CNOT6: variants seen among roughly 807,000 people sequenced by gnomAD.
CNOT6 encodes the protein carbon catabolite repression 4 protein.
Under a neutral mutation model 61.2 loss-of-function variants are expected in CNOT6, and 12 were observed. The ratio of observed to expected loss-of-function variants is 0.20; its 90% CI spans 0.13 to 0.32. The LOEUF (loss-of-function observed/expected upper bound fraction) is 0.32, where lower values mean the gene tolerates loss of function less well. Among genes scored for constraint, CNOT6 ranks in the 10% least tolerant of loss-of-function variants. The probability of loss-of-function intolerance (pLI) is 1.00; values close to 1 mark genes in which losing one functional copy is unlikely to be tolerated. For missense variants in CNOT6, 405 were observed against 663.9 expected, an observed-to-expected ratio of 0.61 and a Z score of 4.28; for synonymous variants, 225 against 240.6, an observed-to-expected ratio of 0.94 and a Z score of 0.60.
In CNOT6 at chr5:180,494,657, CTGCA is replaced by C. The variant is rs1756504649; in HGVS notation, c.-108_-105del. On this transcript the variant is annotated 5_prime_UTR_variant, in exon 1 of 12. Transcript: ENST00000261951. ...CAGAGGAGCGGCGGCGGTGGCGGCG[CTGCA>C]GCAGCGGGCGGGACTGGTATGGTGG... The C allele has an allele frequency of 6.4e-6, 1 of 157,364 alleles. No homozygotes were observed. Among genetic ancestry groups the C allele is most frequent in the Non-Finnish European group, 1.4e-5 (1 of 72,020 alleles). 9.7% of individuals were successfully genotyped at this position (157,364 alleles called of 1,614,324 possible).
At chr5:180,558,484 C>T (rs1006866188) in intron 4 of CNOT6, among the ~76,000 whole-genome samples, 1 of 149,218 alleles carries the variant, frequency 6.7e-6, no homozygotes, top group Non-Finnish European at 1.5e-5. Context: ...CCCAGGAAGG[C>T]GCGCCCTCCT....
At chr5:180,556,897 A>T (rs892353028) in intron 4 of CNOT6, among the ~76,000 whole-genome samples, 1 of 152,000 alleles carries the variant, frequency 6.6e-6, no homozygotes, top group Non-Finnish European at 1.5e-5. Flanking sequence ...TGGAGGTTGC[A>T]GTGAGCCGAG....
chr5:180,533,548 C>T (rs1581513228), intron 2 of CNOT6, among the ~76,000 whole-genome samples: 1 of 151,658 alleles, frequency 6.6e-6, no homozygotes, highest in South Asian at 2.1e-4. Context: ...GTAACTGGGA[C>T]TACAGACTCA....
At chr5:180,512,246 C>A (rs1432366227) in intron 1 of CNOT6, among the ~76,000 whole-genome samples, 1 of 152,208 alleles carries the variant, frequency 6.6e-6, no homozygotes, top group Non-Finnish European at 1.5e-5. Flanking sequence ...AGCAGACCCA[C>A]TGTGGAGGCT....
intron 4 of CNOT6, among the ~76,000 whole-genome samples, 159 bp downstream of exon 4, chr5:180,553,630 C>T (rs938886668): frequency 6.6e-5 from 10 of 152,184 alleles, no homozygotes; most frequent in African/African-American, 2.2e-4. Flanking sequence ...CTTCTCTGTT[C>T]AGCTGTAGAC....
intron 3 of CNOT6, among the ~76,000 whole-genome samples, chr5:180,552,529 C>G (rs1490844132): frequency 6.6e-6 from 1 of 151,748 alleles, no homozygotes; most frequent in African/African-American, 2.4e-5. Flanking sequence ...ACCTGTAGTC[C>G]CAGTTACTCG....
intron 1 of CNOT6, among the ~76,000 whole-genome samples, chr5:180,512,153 C>G (rs550249435): frequency 1.1e-4 from 17 of 152,298 alleles, no homozygotes; most frequent in African/African-American, 4.1e-4. Flanking sequence ...GAAGAATACT[C>G]AGCAAAACTT....
chr5:180,512,039 ATG>A (rs1266818570), intron 1 of CNOT6, among the ~76,000 whole-genome samples: 1 of 152,226 alleles, frequency 6.6e-6, no homozygotes, highest in Admixed American at 6.5e-5. Flanking sequence ...TTCTCTTGTA[ATG>A]TGTGAAAATT....
At chr5:180,538,125 G>A (rs1456860009) in intron 2 of CNOT6, among the ~76,000 whole-genome samples, 8 of 142,802 alleles carry the variant, frequency 5.6e-5, no homozygotes, top group African/African-American at 1.3e-4. Flanking sequence ...TGTAAGCTCC[G>A]CCTCCCAGGT....
intron 1 of CNOT6, among the ~76,000 whole-genome samples, chr5:180,496,795 A>AT (rs1484566162): frequency 6.6e-6 from 1 of 152,228 alleles, no homozygotes; most frequent in Non-Finnish European, 1.5e-5. Flanking sequence ...AAAGTCAATC[A>AT]TTAGGTAATT....
intron 1 of CNOT6, among the ~76,000 whole-genome samples, chr5:180,512,763 A>C (rs1757452855): frequency 6.6e-6 from 1 of 151,714 alleles, no homozygotes; most frequent in Non-Finnish European, 1.5e-5. Flanking sequence ...TGCCCGGCTA[A>C]TTTTTGTATT....
intron 9 of CNOT6, 28 bp downstream of exon 9, chr5:180,568,031 T>G: frequency 6.3e-7 from 1 of 1,577,390 alleles, no homozygotes; most frequent in Non-Finnish European, 8.6e-7. Flanking sequence ...CCTGTAAAAT[T>G]GACCAGCTCT....
chr5:180,529,229 G>A lies in CNOT6; in HGVS notation c.-2-46G>A, dbSNP rs1488559509. The A allele has an allele frequency of 5.2e-6, 5 of 955,754 alleles. No individual in the cohort carries two copies. The South Asian group carries it at 7.5e-5, about 14-fold the overall frequency. 59.2% of individuals were successfully genotyped at this position (955,754 alleles called of 1,614,324 possible). ...AAAAAAAAAAGGTGTTGTGGCTTTTGTTTATTTGATTTTTTAGAATACTGA... is the reference window on the plus strand; with the variant it reads ...AAAAAAAAAAGGTGTTGTGGCTTTTATTTATTTGATTTTTTAGAATACTGA... On this transcript the variant is annotated intron_variant, in intron 1 of 11. Coordinates refer to ENST00000261951, the MANE Select transcript of CNOT6 (RefSeq NM_001370472.1).
intron 6 of CNOT6, 78 bp from the exon 7 acceptor site, chr5:180,565,742 A>G (rs1760416362): frequency 7.5e-7 from 1 of 1,338,580 alleles, no homozygotes; most frequent in Non-Finnish European, 1.0e-6. Context: ...TTAACATTTA[A>G]GTGAAAACCA....
intron 1 of CNOT6, among the ~76,000 whole-genome samples, 163 bp downstream of exon 1, chr5:180,494,926 G>T (rs1756527130): frequency 6.6e-6 from 1 of 151,666 alleles, no homozygotes; most frequent in South Asian, 2.1e-4. Flanking sequence ...CCTTCGACGC[G>T]CCGCGATCGC....
chr5:180,533,850 A>T (rs1213558529), intron 2 of CNOT6, among the ~76,000 whole-genome samples: 1 of 151,986 alleles, frequency 6.6e-6, no homozygotes, highest in East Asian at 1.9e-4. Flanking sequence ...CACCAAGGAG[A>T]TTATTTGGAG....
chr5:180,533,338 ATATATC>A (rs1561645118), intron 2 of CNOT6, among the ~76,000 whole-genome samples: 1 of 90,848 alleles, frequency 1.1e-5, no homozygotes, highest in African/African-American at 3.6e-5. Context: ...ATATATATAT[ATATATC>A]ACCGTAATAC....
At chr5:180,551,117 G>A (rs1390305528) in intron 3 of CNOT6, among the ~76,000 whole-genome samples, 2 of 151,932 alleles carry the variant, frequency 1.3e-5, no homozygotes, top group Non-Finnish European at 2.9e-5. Flanking sequence ...GCTGAGGCGG[G>A]CTGATTGCTT....
intron 2 of CNOT6, among the ~76,000 whole-genome samples, chr5:180,538,963 C>T (rs1252035361): frequency 6.6e-6 from 1 of 151,652 alleles, no homozygotes; most frequent in Non-Finnish European, 1.5e-5. Context: ...ATCATGAGGT[C>T]AAGAGATGGA....
Sources: gnomAD v4.1 joint callset for allele counts (sites outside exome capture counted in the v4.1 genomes callset) on GRCh38, gnomAD v4.1.1 for gene constraint, MANE v1.5 for transcripts, NCBI Gene and HGNC (gene_info 2026-07-23, HGNC 2026-07-21) for gene names.